Variants in AEN observed in about 807,000 individuals in gnomAD.
AEN encodes apoptosis-enhancing nuclease.
AEN carries 21 observed loss-of-function variants against 17.7 expected under a neutral mutation model. The observed-to-expected ratio is 1.19, with a 90% CI of 0.84 to 1.71. The LOEUF is 1.71. AEN is among the 40% of genes most tolerant of loss of function. The pLI is 0.00. For missense variants in AEN, 462 were observed against 435.9 expected (o/e 1.06, Z -0.53); for synonymous variants, 190 against 173.0 (o/e 1.10, Z -0.77).
At chr15:88,613,883 T>C in the AEN span, among the ~76,000 whole-genome samples, 2 of 152,214 alleles carry the variant, frequency 1.3e-5, no homozygotes, top group African/African-American at 4.8e-5. Flanking sequence ...CTTCTGCCTT[T>C]TCTTTCATAG....
rs1414281805 is a variant in AEN at position 88,630,271 on chromosome 15, G to A, written c.955G>A (p.Glu319Lys). 1.3e-6 allele frequency: 2 copies of A among 1,587,508 alleles called. No homozygotes were observed. ...CCACGGCAGCAGAGGAGGAGCCAGGGAGGCACAGGACAGAAGGAATTGAGA... is the reference window on the plus strand; with the variant it reads ...CCACGGCAGCAGAGGAGGAGCCAGGAAGGCACAGGACAGAAGGAATTGAGA... ...LAHGSRGGAR[E>K]AQDRRN Residue 319 changes from glutamate to lysine, a missense_variant, in exon 4 of 4, where the codon GAG becomes AAG. Physicochemically the swap from Glu to Lys is moderately conservative, Grantham distance 56 (BLOSUM62 1). Coordinates refer to ENST00000332810, the MANE Select transcript of AEN (RefSeq NM_022767.4). The surrounding 1 kb of genome is among the most constrained non-coding windows in gnomAD (Gnocchi z 5.1).
intron 2 of AEN, chr15:88,628,285 A>G (rs1354213787): frequency 6.6e-6 from 1 of 152,246 alleles, no homozygotes; most frequent in Non-Finnish European, 1.5e-5. Context: ...GTCTCAATGC[A>G]TCTTATCCAT....
At chr15:88,626,906 A>G (rs1370162234) in intron 2 of AEN, 157 bp downstream of exon 2, 1 of 800,670 alleles carries the variant, frequency 1.2e-6, no homozygotes, top group Non-Finnish European at 1.9e-6. Context: ...GAACAGGGGA[A>G]ATAAAAATAA....
chr15:88,629,225 G>C lies in AEN; in HGVS notation c.541-1G>C, dbSNP rs1243697302. 9.3e-6 allele frequency: 15 copies of C among 1,613,820 alleles called. No homozygotes were observed. Among genetic ancestry groups the C allele is most frequent in the African/African-American group, 1.3e-5 (1 of 74,882 alleles). On this transcript the variant is annotated splice_acceptor_variant, in intron 2 of 3. Coordinates refer to ENST00000332810, the MANE Select transcript of AEN (RefSeq NM_022767.4). LOFTEE classifies it high-confidence loss of function. ...TCCCTGACTCCTCTTTCTGCTCACAGATCCTTAAGCTCCTGAAGGGCAAGG... is the reference window on the plus strand; with the variant it reads ...TCCCTGACTCCTCTTTCTGCTCACACATCCTTAAGCTCCTGAAGGGCAAGG...
chr15:88,612,000 C>A, the AEN span: 18 of 426,578 alleles, frequency 4.2e-5, no homozygotes, highest in South Asian at 3.0e-4. Context: ...TTTTTTGTAT[C>A]TTTTGTGTTT....
At chr15:88,618,419 A>AT (rs1012571952), upstream of AEN, among the ~76,000 whole-genome samples, 2 of 152,110 alleles carry the variant, frequency 1.3e-5, no homozygotes, top group Non-Finnish European at 2.9e-5. Flanking sequence ...CTAAGGGTTA[A>AT]TTTTTTTTCC....
rs1437860004 is a variant in AEN at position 88,626,668 on chromosome 15, C to T, written c.459C>T (p.Ile153=). The T allele has an allele frequency of 1.2e-6, 2 of 1,613,810 alleles. No individual in the cohort carries two copies. Among genetic ancestry groups the T allele is most frequent in the East Asian group, 2.2e-5 (1 of 44,898 alleles). ...YDKYIRPEMP[I]ADYRTRWSGI... ...AGTACATCAGGCCTGAGATGCCCATCGCTGACTACCGTACCCGCTGGAGTG... is the reference window on the plus strand; with the variant it reads ...AGTACATCAGGCCTGAGATGCCCATTGCTGACTACCGTACCCGCTGGAGTG... The change falls in exon 2 of 4, where the codon ATC becomes ATT. Residue 153 remains isoleucine (I), a synonymous_variant. Transcript: ENST00000332810.
the AEN span, among the ~76,000 whole-genome samples, chr15:88,605,803 C>A: frequency 0.02 from 3,059 of 152,324 alleles, 40 homozygotes; most frequent in Non-Finnish European, 0.031. This position sits in a 1 kb window ranked among gnomAD's most constrained non-coding sequence, Gnocchi z 7.6. Context: ...CGAATCCGAG[C>A]CTGCAGCTTC....
upstream of AEN, chr15:88,621,185 T>C (rs2057781707): frequency 6.6e-6 from 1 of 152,304 alleles, no homozygotes; most frequent in Non-Finnish European, 1.5e-5. Context: ...TACGCCCTCT[T>C]CAGGAGTCCC....
the AEN span, among the ~76,000 whole-genome samples, chr15:88,616,107 T>C: frequency 8.6e-5 from 13 of 151,564 alleles, no homozygotes; most frequent in African/African-American, 2.9e-4. Flanking sequence ...TGTTTTTTTT[T>C]CTTCAAGATG....
At chr15:88,611,597 CCAAAA>C in the AEN span, among the ~76,000 whole-genome samples, 1 of 151,792 alleles carries the variant, frequency 6.6e-6, no homozygotes. Flanking sequence ...CCCTGTCTCA[CCAAAA>C]CAAAACAAAA....
the AEN span, among the ~76,000 whole-genome samples, chr15:88,607,324 T>C: frequency 3.3e-5 from 5 of 152,368 alleles, no homozygotes; most frequent in East Asian, 9.6e-4. Context: ...TTTCCCTTGA[T>C]TGACAAACAT....
At position 88,629,320 on chromosome 15, in the gene AEN, G is replaced by A. The variant is rs561034272; in HGVS notation, c.635G>A (p.Arg212Gln). 1.8e-5 allele frequency: 29 copies of A among 1,613,990 alleles called. No homozygotes were observed. The highest frequency in any genetic ancestry group is 4.5e-5 in the East Asian group (2 of 44,868). The change falls in exon 3 of 4, where the codon CGG (arginine) becomes CAG (glutamine). Residue 212 changes from arginine (R) to glutamine (Q), a missense_variant. Transcript: ENST00000332810. The stretch of plus-strand genomic sequence containing the variant: ...TATGTCCACCCTCGGAGCCAGACCC[G>A]GGATACGACCTATGTCCCAAACTTC... ...LKYVHPRSQT[R>Q]DTTYVPNFLS...
rs1310111202 is a variant in AEN, at chr15:88,631,801, C to CG, written c.*1509dup. On this transcript the variant is annotated 3_prime_UTR_variant, in exon 4 of 4. Coordinates refer to ENST00000332810, the MANE Select transcript of AEN (RefSeq NM_022767.4). Reference sequence around the variant, plus strand: ...GTTCCAGCAGGTGGGGCGCTGGCCTCGGTGAGGGCACAGCAGCAAGGTTCA... The same window carrying CG: ...GTTCCAGCAGGTGGGGCGCTGGCCTCGGGTGAGGGCACAGCAGCAAGGTTCA... 21 of 152,634 alleles carry CG rather than the reference C, an allele frequency of 1.4e-4. No individual in the cohort carries two copies. Among genetic ancestry groups the CG allele is most frequent in the African/African-American group, 5.1e-4 (21 of 41,582 alleles). The allele number at this position is 152,634 out of a possible 1,614,324, so 9.5% of individuals were successfully genotyped here.
chr15:88,613,158 A>G, the AEN span, among the ~76,000 whole-genome samples: 1 of 152,202 alleles, frequency 6.6e-6, no homozygotes, highest in Non-Finnish European at 1.5e-5. Context: ...AGCTGAGCTC[A>G]TTCTACCTCT....
At chr15:88,613,439 C>T in the AEN span, among the ~76,000 whole-genome samples, 37 of 152,204 alleles carry the variant, frequency 2.4e-4, no homozygotes, top group African/African-American at 7.2e-4. Flanking sequence ...TCCTTCACAG[C>T]GGGAGAGAAG....
chr15:88,618,787 GTATT>G (rs544941751), upstream of AEN, among the ~76,000 whole-genome samples: 180 of 152,238 alleles, frequency 1.2e-3, 1 homozygote, highest in African/African-American at 3.6e-3. Context: ...CTATACTCAT[GTATT>G]TATTTATTTA....
At chr15:88,610,436 C>T in the AEN span, among the ~76,000 whole-genome samples, 1 of 151,850 alleles carries the variant, frequency 6.6e-6, no homozygotes, top group Non-Finnish European at 1.5e-5. Context: ...CACCTCACTG[C>T]GGGGTAGACT....
chr15:88,626,349 T>G lies in AEN; in HGVS notation c.140T>G (p.Leu47Arg). 1 of 1,613,392 alleles carries G rather than the reference T, an allele frequency of 6.2e-7. No homozygotes were observed. The highest frequency in any genetic ancestry group is 1.3e-5 in the African/African-American group (1 of 75,056). ...CGGTTCATGGCCCGGAAGGCCTTGC[T>G]GCAGGAGCAGGGGCTGCTGAGCATG... ...HQRFMARKALLQEQGLLSMPP... is the reference protein window; with the variant it reads ...HQRFMARKALRQEQGLLSMPP... Residue 47 changes from leucine (L) to arginine (R), a missense_variant, in exon 2 of 4, where the codon CTG (leucine) becomes CGG (arginine). Coordinates refer to ENST00000332810, the MANE Select transcript of AEN (RefSeq NM_022767.4).
Sources: gnomAD v4.1 joint callset for allele counts (sites outside exome capture counted in the v4.1 genomes callset) on GRCh38, gnomAD v4.1.1 for gene constraint, Gnocchi (gnomAD v3.1) non-coding constraint, MANE v1.5 for transcripts, NCBI Gene and HGNC (gene_info 2026-07-23, HGNC 2026-07-21) for gene names.